POU2F2: variants seen among roughly 807,000 people sequenced by gnomAD.
POU2F2 encodes POU domain, class 2, transcription factor 2.
POU2F2 carries 14 observed loss-of-function variants against 63.5 expected under a neutral mutation model. The ratio of observed to expected loss-of-function variants is 0.22; its 90% confidence interval spans 0.15 to 0.34. The LOEUF is 0.34. POU2F2 is among the 10% of genes least tolerant of loss of function. The pLI is 1.00. For synonymous variants in POU2F2, 306 were observed against 348.6 expected, an observed-to-expected ratio of 0.88 and a Z score of 1.36; for missense variants, 607 against 815.2, an observed-to-expected ratio of 0.74 and a Z score of 3.11.
chr19:42,187,456 C>CAA (rs35993667), intron 1 of POU2F2, among the ~76,000 whole-genome samples: 5,620 of 48,712 alleles, frequency 0.12, 283 homozygotes, highest in South Asian at 0.18. Context: ...GACTCTGTCT[C>CAA]AAAAAAAAAA....
chr19:42,185,162 C>T (rs1011148926), intron 1 of POU2F2, among the ~76,000 whole-genome samples: 1 of 152,136 alleles, frequency 6.6e-6, no homozygotes, highest in Admixed American at 6.5e-5. Flanking sequence ...TATCACCCAG[C>T]TTTTTCTTAC....
chr19:42,097,888 T>C (rs2076981814), intron 7 of POU2F2, among the ~76,000 whole-genome samples: 1 of 152,242 alleles, frequency 6.6e-6, no homozygotes, highest in South Asian at 2.1e-4. Flanking sequence ...CGTAGGCTTT[T>C]AGTGTATCCA....
intron 2 of POU2F2, among the ~76,000 whole-genome samples, chr19:42,149,558 T>A (rs1478031596): frequency 1.3e-5 from 2 of 151,914 alleles, no homozygotes; most frequent in Non-Finnish European, 2.9e-5. Flanking sequence ...GAGAAGTGTA[T>A]GGGGGTTTTT....
upstream of POU2F2, chr19:42,196,733 C>G (rs1318076664): frequency 2.0e-5 from 3 of 152,440 alleles, no homozygotes; most frequent in African/African-American, 7.2e-5. Flanking sequence ...TCTTGACTAG[C>G]TCAAGGGAGC....
At chr19:42,091,843 G>A in intron 14 of POU2F2, 24 bp downstream of exon 14, 2 of 1,539,304 alleles carry the variant, frequency 1.3e-6, no homozygotes, top group Non-Finnish European at 1.7e-6. Context: ...GGTGACGATG[G>A]GTGTGACATG....
intron 1 of POU2F2, among the ~76,000 whole-genome samples, chr19:42,124,065 A>G (rs1382238838): frequency 6.6e-6 from 1 of 152,188 alleles, no homozygotes; most frequent in East Asian, 1.9e-4. Context: ...GCACTTTGGG[A>G]GACTGAGGCA....
chr19:42,116,961 T>C, intron 5 of POU2F2: 1 of 597,744 alleles, frequency 1.7e-6, no homozygotes, highest in Non-Finnish European at 3.1e-6. Context: ...GGGCCTGGGC[T>C]TGCTGCAGGA....
intron 1 of POU2F2, among the ~76,000 whole-genome samples, chr19:42,173,236 C>G (rs2034805753): frequency 6.6e-6 from 1 of 152,196 alleles, no homozygotes; most frequent in Non-Finnish European, 1.5e-5. Flanking sequence ...GGTTTCTCAA[C>G]CATCTCCATC....
At chr19:42,131,492 T>G (rs561700795) in intron 1 of POU2F2, among the ~76,000 whole-genome samples, 1 of 152,298 alleles carries the variant, frequency 6.6e-6, no homozygotes, top group African/African-American at 2.4e-5. Flanking sequence ...CCAGGCACTG[T>G]GCTAAGCATG....
chr19:42,147,906 CT>C (rs2034264263), intron 2 of POU2F2, among the ~76,000 whole-genome samples: 1 of 152,160 alleles, frequency 6.6e-6, no homozygotes. Flanking sequence ...TCCCTGACCC[CT>C]ATGAGGTAGT....
Position 42,117,067 on chromosome 19 carries a change from G to T in POU2F2, c.369+183C>A. 1.5e-6 allele frequency: 1 copy of T among 671,352 alleles called. No individual in the cohort carries two copies. Among genetic ancestry groups the T allele is most frequent in the South Asian group, 1.7e-5 (1 of 58,986 alleles). 41.6% of individuals were successfully genotyped at this position (671,352 alleles called of 1,614,324 possible). ...GGGTTGAAGAGGAGCAGAGAAGGCA[G>T]AGAGGGGTTAGTGCCTAAGCCAAGC... On this transcript the variant is annotated intron_variant, in intron 5 of 14. Transcript: ENST00000692977. The surrounding 1 kb of genome is among the most constrained non-coding windows in gnomAD (Gnocchi z 4.4).
chr19:42,143,807 T>C (rs2034176843), intron 2 of POU2F2, among the ~76,000 whole-genome samples: 2 of 152,096 alleles, frequency 1.3e-5, no homozygotes. Flanking sequence ...CTAAGGCTCG[T>C]CCCCTTACTT....
rs984361968 is a variant in POU2F2 at position 42,115,219 on chromosome 19, G to A, written c.369+2031C>T. ...GCCCAGTTTACAGAGTGTCTCCACA[G>A]AACCAGGCCCAGTGGAAGGAAGTTC... is the stretch of plus-strand genomic sequence containing the variant. On this transcript the variant is annotated intron_variant, in intron 5 of 14. Coordinates refer to ENST00000692977, the MANE Select transcript of POU2F2 (RefSeq NM_001394376.1). Among the ~76,000 whole-genome samples, 42 of 152,112 alleles carry A rather than the reference G, an allele frequency of 2.8e-4. 2 individuals carry two copies. The highest frequency in any genetic ancestry group is 2.8e-3 in the Admixed American group (42 of 15,270).
At chr19:42,141,435 T>C (rs1599654163) in intron 2 of POU2F2, among the ~76,000 whole-genome samples, 1 of 151,104 alleles carries the variant, frequency 6.6e-6, no homozygotes, top group East Asian at 1.9e-4. Context: ...ATCTGTGAAA[T>C]GGGGGCAGTA....
At chr19:42,106,054 C>T (rs376276759) in intron 5 of POU2F2, among the ~76,000 whole-genome samples, 14 of 85,408 alleles carry the variant, frequency 1.6e-4, no homozygotes, top group South Asian at 1.1e-3. Context: ...TTTCTTTCTT[C>T]TTTCTTTCTT....
upstream of POU2F2, among the ~76,000 whole-genome samples, chr19:42,197,562 C>T (rs532262690): frequency 6.6e-6 from 1 of 152,194 alleles, no homozygotes; most frequent in Non-Finnish European, 1.5e-5. Flanking sequence ...ACCCTACCCC[C>T]ACTCCCCACC....
At chr19:42,111,836 C>T (rs1373695365) in intron 5 of POU2F2, among the ~76,000 whole-genome samples, 1 of 152,100 alleles carries the variant, frequency 6.6e-6, no homozygotes, top group African/African-American at 2.4e-5. Context: ...CCCCTGCAGT[C>T]GATTAGTACA....
upstream of POU2F2, chr19:42,137,061 T>C (rs970285774): frequency 1.3e-5 from 2 of 152,242 alleles, no homozygotes; most frequent in African/African-American, 4.8e-5. Flanking sequence ...TGGTAATTTA[T>C]CACTTAATAA....
intron 1 of POU2F2, among the ~76,000 whole-genome samples, chr19:42,129,311 C>T (rs2033484600): frequency 6.6e-6 from 1 of 152,098 alleles, no homozygotes; most frequent in Non-Finnish European, 1.5e-5. Flanking sequence ...CCCTACCAGG[C>T]CCCTTGGAGC....
Sources: allele counts gnomAD v4.1 joint callset (sites outside exome capture counted in the v4.1 genomes callset), GRCh38; gene constraint gnomAD v4.1.1; non-coding constraint Gnocchi (gnomAD v3.1); transcripts MANE v1.5; gene names NCBI Gene and HGNC (gene_info 2026-07-23, HGNC 2026-07-21).